LRRK2: variants seen among roughly 807,000 people sequenced by gnomAD.
The protein encoded by LRRK2 is leucine rich repeat kinase 2, also known as leucine-rich repeat serine/threonine-protein kinase 2.
In LRRK2, 203 loss-of-function variants were observed where a neutral mutation model predicts 302.6. The observed-to-expected ratio is 0.67, with a 90% confidence interval of 0.60 to 0.75. The LOEUF (loss-of-function observed/expected upper bound fraction) is 0.75. LRRK2 is among the 30% of genes least tolerant of loss of function. The pLI, the probability that LRRK2 is intolerant of heterozygous loss-of-function variation, is 0.00. For missense variants in LRRK2, 2,830 were observed against 2,951.0 expected, an observed-to-expected ratio of 0.96 and a Z score of 0.95; for synonymous variants, 1,066 against 1,031.9, an observed-to-expected ratio of 1.03 and a Z score of -0.63.
Position 40,329,177 on chromosome 12 carries a change from A to C in LRRK2, c.5757+717A>C, listed in dbSNP as rs572116898. On this transcript the variant is annotated intron_variant, in intron 39 of 50. Transcript: ENST00000298910. The stretch of plus-strand genomic sequence containing the variant: ...TGATTACTTGCTACAAAGATGGAGA[A>C]AGTTAGCATGCTTATCCTATTTCCT... 1.3e-4 allele frequency among the ~76,000 whole-genome samples: 20 copies of C among 152,348 alleles called. No homozygotes were observed. In the South Asian group the frequency reaches 4.1e-3, roughly 32 times the overall value.
intron 1 of LRRK2, 73 bp downstream of exon 1, chr12:40,225,355 T>C (rs1006484320): frequency 1.3e-6 from 2 of 1,557,332 alleles, no homozygotes; most frequent in African/African-American, 2.7e-5. Flanking sequence ...GCAAATTTTG[T>C]CCTCCTCCCC....
Position 40,305,769 on chromosome 12 carries a change from T to G in LRRK2, c.3778-16T>G, listed in dbSNP as rs750156393. The G allele has an allele frequency of 1.6e-5, 25 of 1,612,748 alleles. No homozygotes were observed. The highest frequency in any genetic ancestry group is 2.0e-5 in the Non-Finnish European group (24 of 1,179,462). Reference sequence around the variant, plus strand: ...CCTTCCCACCAACAGGTTTTGCCCTTTTTTTTCCCATTAAGATTCCTCCTG... The same window carrying G: ...CCTTCCCACCAACAGGTTTTGCCCTGTTTTTTCCCATTAAGATTCCTCCTG... On this transcript the variant is annotated splice_polypyrimidine_tract_variant and intron_variant, in intron 27 of 50. Transcript: ENST00000298910.
intron 11 of LRRK2, 92 bp downstream of exon 11, chr12:40,253,108 A>G: frequency 2.5e-6 from 2 of 805,694 alleles, no homozygotes; most frequent in Non-Finnish European, 4.2e-6. Flanking sequence ...AATTTACATA[A>G]TTTATAAAGC....
chr12:40,358,187 C>T (rs531320228), intron 46 of LRRK2, among the ~76,000 whole-genome samples: 1 of 151,806 alleles, frequency 6.6e-6, no homozygotes, highest in African/African-American at 2.4e-5. Context: ...TGGATCCTCT[C>T]TATATTGTTG....
chr12:40,254,544 A>G (rs1942416558), intron 11 of LRRK2, among the ~76,000 whole-genome samples: 1 of 152,186 alleles, frequency 6.6e-6, no homozygotes, highest in Non-Finnish European at 1.5e-5. Flanking sequence ...ACTCCTGAAA[A>G]TGAGGACTGG....
At chr12:40,366,287 C>T (rs1946878751) in intron 49 of LRRK2, 2 of 151,868 alleles carry the variant, frequency 1.3e-5, no homozygotes, top group South Asian at 2.1e-4. Context: ...GCTTATTTAA[C>T]TCATATGCTT....
chr12:40,225,926 G>A (rs942206250), intron 2 of LRRK2, among the ~76,000 whole-genome samples: 7 of 152,106 alleles, frequency 4.6e-5, no homozygotes, highest in African/African-American at 1.4e-4. Context: ...TTTTAGTCTC[G>A]TTATTGGCAA....
At position 40,225,669 on chromosome 12, in the gene LRRK2, T is replaced by C. The variant is rs200042985; in HGVS notation, c.237+29T>C. The C allele has an allele frequency of 2.0e-5, 31 of 1,567,906 alleles. No individual in the cohort carries two copies. The African/African-American group carries it at 3.8e-4, about 19-fold the overall frequency. Reference sequence around the variant, plus strand: ...AAGGCATTGTTTTCACTTCAACTCATTCTCCCTTCTGTTTGGAAGGAGACG... The same window carrying C: ...AAGGCATTGTTTTCACTTCAACTCACTCTCCCTTCTGTTTGGAAGGAGACG... On this transcript the variant is annotated intron_variant, in intron 2 of 50. Transcript: ENST00000298910.
intron 19 of LRRK2, 47 bp downstream of exon 19, chr12:40,284,180 A>G (rs750120482): frequency 9.2e-6 from 14 of 1,525,676 alleles, no homozygotes; most frequent in Non-Finnish European, 1.2e-5. Flanking sequence ...TTTTAATAGT[A>G]TTTTTTTAAG....
At position 40,319,849 on chromosome 12, in the gene LRRK2, A is replaced by G. The variant is rs987599836; in HGVS notation, c.4828-139A>G. Reference sequence around the variant, plus strand: ...CTTCTAGGCCACATGGTTGCTAGAGAAATTAGGTACTGTGTTGCACTTGAA... The same window carrying G: ...CTTCTAGGCCACATGGTTGCTAGAGGAATTAGGTACTGTGTTGCACTTGAA... On this transcript the variant is annotated intron_variant, in intron 33 of 50. Transcript: ENST00000298910. 12 of 688,728 alleles carry G rather than the reference A, an allele frequency of 1.7e-5. No homozygotes were observed. In the African/African-American group the frequency reaches 1.8e-4, roughly 11 times the overall value. The allele number at this position is 688,728 out of a possible 1,614,324, so 42.7% of individuals were successfully genotyped here.
At chr12:40,243,454 GC>G (rs1387539285) in intron 6 of LRRK2, 95 bp from the exon 7 acceptor site, 2 of 1,354,158 alleles carry the variant, frequency 1.5e-6, no homozygotes, top group Non-Finnish European at 1.0e-6. Context: ...TCATTATGCT[GC>G]CATCTATTTA....
intron 39 of LRRK2, among the ~76,000 whole-genome samples, chr12:40,331,198 T>C (rs1945702059): frequency 6.6e-6 from 1 of 152,216 alleles, no homozygotes; most frequent in South Asian, 2.1e-4. Context: ...AGAAGGACTG[T>C]ATTGATTATT....
chr12:40,256,184 C>T (rs1240366156), intron 11 of LRRK2, among the ~76,000 whole-genome samples: 1 of 152,242 alleles, frequency 6.6e-6, no homozygotes, highest in East Asian at 1.9e-4. Context: ...TGGTGGCTCA[C>T]GCCTGTAATC....
At chr12:40,350,518 A>G (rs1946318890) in intron 43 of LRRK2, among the ~76,000 whole-genome samples, 1 of 152,194 alleles carries the variant, frequency 6.6e-6, no homozygotes, top group Non-Finnish European at 1.5e-5. Flanking sequence ...TCTGAAAGAG[A>G]ACTCTTGTCA....
At chr12:40,266,578 G>T (rs1302220849) in intron 14 of LRRK2, among the ~76,000 whole-genome samples, 4 of 152,144 alleles carry the variant, frequency 2.6e-5, no homozygotes, top group African/African-American at 9.7e-5. Context: ...TTCAACCATT[G>T]TGGAAGACAG....
At chr12:40,309,285 C>CGTGCGT in intron 30 of LRRK2, 52 bp downstream of exon 30, 1 of 1,316,670 alleles carries the variant, frequency 7.6e-7, no homozygotes, top group South Asian at 1.4e-5. Context: ...TGTCTGTGTG[C>CGTGCGT]GTGTGTGTGT....
chr12:40,359,569 C>T (rs1334814513), intron 47 of LRRK2, 125 bp downstream of exon 47: 2 of 879,532 alleles, frequency 2.3e-6, no homozygotes, highest in East Asian at 5.5e-5. Flanking sequence ...TATTTTCTAT[C>T]ATAAAATTAA....
chr12:40,234,588 A>T (rs572048834), intron 3 of LRRK2, among the ~76,000 whole-genome samples: 15 of 151,864 alleles, frequency 9.9e-5, no homozygotes, highest in African/African-American at 3.4e-4. Context: ...CATGTTGGCC[A>T]GGATGGTCTT....
chr12:40,298,265 T>C lies in LRRK2; in HGVS notation c.3119T>C (p.Leu1040Ser), dbSNP rs1944458936. 3 of 1,613,656 alleles carry C rather than the reference T, an allele frequency of 1.9e-6. No individual in the cohort carries two copies. The highest frequency in any genetic ancestry group is 2.2e-5 in the East Asian group (1 of 44,844). ...LCETLKSLTH[L>S]DLHSNKFTSF... The stretch of plus-strand genomic sequence containing the variant: ...CAGACTCTGAAGAGTTTGACACATT[T>C]GGACTTGCACAGTAATAAATTTACA... The change falls in exon 24 of 51, where the codon TTG (leucine) becomes TCG (serine). Residue 1040 changes from leucine (L) to serine (S), a missense_variant. This residue lies in a region of LRRK2 where 2,121 missense variants were observed against 2,148.0 expected (regional missense o/e 0.99). Coordinates refer to ENST00000298910, the MANE Select transcript of LRRK2 (RefSeq NM_198578.4).
Sources: allele counts gnomAD v4.1 joint callset (sites outside exome capture counted in the v4.1 genomes callset), GRCh38; gene constraint gnomAD v4.1.1; regional missense constraint gnomAD v4.1.1; transcripts MANE v1.5; gene names NCBI Gene and HGNC (gene_info 2026-07-23, HGNC 2026-07-21).